The following JAKMIP3 variants were observed in gnomAD, a reference collection of about 807,000 sequenced individuals.
JAKMIP3 encodes the protein janus kinase and microtubule-interacting protein 3.
A neutral mutation model predicts 118.5 loss-of-function variants in JAKMIP3; 58 were observed. The ratio of observed to expected loss-of-function variants is 0.49; its 90% CI spans 0.40 to 0.61. The LOEUF is 0.61. JAKMIP3 is among the 20% of genes least tolerant of loss of function. JAKMIP3 has a pLI of 0.00. For synonymous variants in JAKMIP3, 486 were observed against 451.2 expected, an observed-to-expected ratio of 1.08 and a Z score of -0.98; for missense variants, 950 against 1,109.0, an observed-to-expected ratio of 0.86 and a Z score of 2.04.
At chr10:132,164,970 G>C (rs1462864713) in intron 21 of JAKMIP3, among the ~76,000 whole-genome samples, 3 of 152,250 alleles carry the variant, frequency 2.0e-5, no homozygotes, top group African/African-American at 4.8e-5. Flanking sequence ...CCAGGGTCTA[G>C]GAATGCCCCT....
intron 1 of JAKMIP3, among the ~76,000 whole-genome samples, chr10:132,097,972 T>TCCCCC (rs2044231723): frequency 9.3e-5 from 2 of 21,504 alleles, no homozygotes; most frequent in Admixed American, 4.2e-4. Flanking sequence ...TTTCCTTCCT[T>TCCCCC]TTCTCCCCTT....
chr10:132,117,030 G>C lies in JAKMIP3; in HGVS notation c.136-47G>C. 4 of 1,565,626 alleles carry C rather than the reference G, an allele frequency of 2.6e-6. No individual in the cohort carries two copies. Among genetic ancestry groups the C allele is most frequent in the Non-Finnish European group, 3.5e-6 (4 of 1,152,486 alleles). On this transcript the variant is annotated intron_variant, in intron 2 of 23. Coordinates refer to ENST00000684848, the MANE Select transcript of JAKMIP3 (RefSeq NM_001323087.2). This position sits in a 1 kb window ranked among gnomAD's most constrained non-coding sequence, Gnocchi z 8.6. ...AATGCACATTCAGGTGTGAGTGTGT[G>C]CATGGCTGGAGCTCCTGCCACACTC...
intron 5 of JAKMIP3, 106 bp from the exon 6 acceptor site, chr10:132,135,824 G>A (rs1815364381): frequency 1.6e-6 from 2 of 1,228,260 alleles, no homozygotes; most frequent in Admixed American, 2.5e-5. Context: ...GAGGGCTGGG[G>A]ACTGCGTTGT....
chr10:132,060,752 G>T (rs1466602719), upstream of JAKMIP3, among the ~76,000 whole-genome samples: 1 of 152,240 alleles, frequency 6.6e-6, no homozygotes, highest in Non-Finnish European at 1.5e-5. Flanking sequence ...AGGTGCAGTG[G>T]CTCACGCCTG....
At chr10:132,122,291 G>GC (rs1589865953) in intron 3 of JAKMIP3, among the ~76,000 whole-genome samples, 1 of 151,800 alleles carries the variant, frequency 6.6e-6, no homozygotes, top group African/African-American at 2.4e-5. Context: ...GGCCCTGACT[G>GC]CCCCCCGGTC....
chr10:132,037,894 A>G (rs1287457820), intron 1 of JAKMIP3, among the ~76,000 whole-genome samples: 3 of 152,258 alleles, frequency 2.0e-5, no homozygotes, highest in African/African-American at 4.8e-5. Flanking sequence ...TGTAGAGAAC[A>G]GCAGTACCAA....
rs1195015351 is a variant in JAKMIP3, at chr10:132,049,078, C to T, written c.-138+12340C>T. On this transcript the variant is annotated intron_variant, in intron 1 of 23. Coordinates refer to the JAKMIP3 transcript ENST00000657785. The surrounding 1 kb of genome is among the most constrained non-coding windows in gnomAD (Gnocchi z 4.3). Reference sequence around the variant, plus strand: ...TGCTGCTGGTCCCGGCCGACTCCATCAAGTTAATTGACCTTTTTGCCTGGA... The same window carrying T: ...TGCTGCTGGTCCCGGCCGACTCCATTAAGTTAATTGACCTTTTTGCCTGGA... 6.6e-6 allele frequency among the ~76,000 whole-genome samples: 1 copy of T among 152,116 alleles called. No homozygotes were observed. Among genetic ancestry groups the T allele is most frequent in the African/African-American group, 2.4e-5 (1 of 41,410 alleles).
At chr10:132,050,364 C>T (rs909438071) in intron 1 of JAKMIP3, among the ~76,000 whole-genome samples, 1 of 152,210 alleles carries the variant, frequency 6.6e-6, no homozygotes, top group African/African-American at 2.4e-5. Flanking sequence ...AAGCAGCTTT[C>T]TTCTTTGTGG....
intron 11 of JAKMIP3, among the ~76,000 whole-genome samples, chr10:132,142,657 G>A (rs1049588571): frequency 3.3e-5 from 5 of 152,346 alleles, no homozygotes; most frequent in South Asian, 2.1e-4. Flanking sequence ...CAGGCCTCGT[G>A]GGGAGAGCGT....
chr10:132,048,865 C>A (rs113715733), intron 1 of JAKMIP3, among the ~76,000 whole-genome samples: 5 of 152,246 alleles, frequency 3.3e-5, no homozygotes, highest in African/African-American at 1.2e-4. Context: ...TAGTCTCGAT[C>A]TCCTGACCTC....
intron 14 of JAKMIP3, among the ~76,000 whole-genome samples, chr10:132,148,346 G>C (rs143956340): frequency 3.9e-5 from 6 of 152,174 alleles, no homozygotes; most frequent in African/African-American, 1.2e-4. Flanking sequence ...GAAATGGCCC[G>C]TGGCGCTCAG....
chr10:132,184,488 T>C lies in JAKMIP3; in HGVS notation c.*3235T>C, dbSNP rs2137467633. ...GAAACTCATATTGTGAATATAGGTA[T>C]CAAATCATATATTTGTTTACTGTAT... On this transcript the variant is annotated 3_prime_UTR_variant, in exon 24 of 24. Transcript: ENST00000684848. The C allele has an allele frequency of 6.6e-6, 1 of 152,380 alleles. No individual in the cohort carries two copies. The highest frequency in any genetic ancestry group is 1.5e-5 in the Non-Finnish European group (1 of 68,038). 9.4% of individuals were successfully genotyped at this position (152,380 alleles called of 1,614,324 possible).
At chr10:132,132,649 G>A (rs74161727) in intron 3 of JAKMIP3, among the ~76,000 whole-genome samples, 5,901 of 152,292 alleles carry the variant, frequency 0.039, 344 homozygotes, top group African/African-American at 0.13. Flanking sequence ...GCCTTGGCTC[G>A]CAGCCAGATT....
intron 1 of JAKMIP3, among the ~76,000 whole-genome samples, chr10:132,090,444 TG>T (rs2042956714): frequency 6.6e-6 from 1 of 152,140 alleles, no homozygotes; most frequent in South Asian, 2.1e-4. Flanking sequence ...CTTGGGAGGG[TG>T]TATGTGTCCA....
chr10:132,139,053 T>C (rs959644197), intron 9 of JAKMIP3, among the ~76,000 whole-genome samples: 1 of 149,908 alleles, frequency 6.7e-6, no homozygotes, highest in African/African-American at 2.5e-5. Context: ...ATGTTGAGTG[T>C]GTGTGTGTGT....
chr10:132,080,713 T>C (rs572773276), intron 1 of JAKMIP3, among the ~76,000 whole-genome samples: 2 of 151,628 alleles, frequency 1.3e-5, no homozygotes, highest in Admixed American at 1.3e-4. Context: ...AGTGACAAGG[T>C]TTCACCATGT....
At chr10:132,080,292 T>C (rs2041556314) in intron 1 of JAKMIP3, among the ~76,000 whole-genome samples, 1 of 152,136 alleles carries the variant, frequency 6.6e-6, no homozygotes. Flanking sequence ...CTAATACTTG[T>C]TATTTTTTGG....
At chr10:132,142,285 G>A (rs2053672587) in intron 11 of JAKMIP3, among the ~76,000 whole-genome samples, 2 of 152,218 alleles carry the variant, frequency 1.3e-5, no homozygotes, top group Non-Finnish European at 2.9e-5. Flanking sequence ...CCAGGCACAG[G>A]TGTGAGTAAG....
rs376411265 is a variant in JAKMIP3 at position 132,140,540 on chromosome 10, G to A, written c.1434G>A (p.Thr478=). ...GSSVSYQTDR[T]DQTPCTPDDD... is the part of the protein sequence containing the mutation. ...CCGTCTCTTACCAAACAGACAGGAC[G>A]GACCAGACCCCGTGCACCCCGGACG... Residue 478 remains threonine (T), a synonymous_variant, in exon 10 of 24, where the codon ACG becomes ACA. Transcript: ENST00000684848. 29 of 1,612,960 alleles carry A rather than the reference G, an allele frequency of 1.8e-5. No homozygotes were observed. Among genetic ancestry groups the A allele is most frequent in the Non-Finnish European group, 2.2e-5 (26 of 1,179,420 alleles).
Sources: gnomAD v4.1 joint callset for allele counts (sites outside exome capture counted in the v4.1 genomes callset) on GRCh38, gnomAD v4.1.1 for gene constraint, Gnocchi (gnomAD v3.1) non-coding constraint, MANE v1.5 for transcripts, NCBI Gene and HGNC (gene_info 2026-07-23, HGNC 2026-07-21) for gene names.